Variants in EFHC2 observed in about 807,000 individuals in gnomAD.
The protein encoded by EFHC2 is EF-hand domain-containing family member C2.
A neutral mutation model predicts 52.7 loss-of-function variants in EFHC2; 18 were observed. The ratio of observed to expected loss-of-function variants is 0.34; its 90% confidence interval spans 0.24 to 0.51. The LOEUF (loss-of-function observed/expected upper bound fraction) is 0.51, where lower values mean the gene tolerates loss of function less well. EFHC2 is among the 20% of genes least tolerant of loss of function. The pLI, the probability that EFHC2 is intolerant of heterozygous loss-of-function variation, is 0.97. For synonymous variants in EFHC2, 203 were observed against 204.1 expected, an observed-to-expected ratio of 0.99 and a Z score of 0.04; for missense variants, 513 against 562.5, an observed-to-expected ratio of 0.91 and a Z score of 0.89.
At chrX:44,164,517 T>G (rs1429990899) in intron 13 of EFHC2, among the ~76,000 whole-genome samples, 1 of 112,181 alleles carries the variant, frequency 8.9e-6, no homozygotes, top group Non-Finnish European at 1.9e-5. Context: ...TCATTTATTA[T>G]GTAGCCATTA....
intron 13 of EFHC2, among the ~76,000 whole-genome samples, chrX:44,169,915 G>A (rs1301509934): frequency 8.9e-6 from 1 of 112,006 alleles, no homozygotes; most frequent in Non-Finnish European, 1.9e-5. Context: ...GATCAATTAT[G>A]ATATCATGTG....
At chrX:44,169,940 T>C (rs189503969) in intron 13 of EFHC2, among the ~76,000 whole-genome samples, 2 of 112,153 alleles carry the variant, frequency 1.8e-5, no homozygotes, top group East Asian at 5.6e-4. Context: ...GCACTCAATA[T>C]GTACATGCTA....
At chrX:44,185,762 G>A (rs1316526458) in intron 11 of EFHC2, among the ~76,000 whole-genome samples, 2 of 110,886 alleles carry the variant, frequency 1.8e-5, no homozygotes, top group Non-Finnish European at 3.8e-5. Flanking sequence ...GGTCTCCTAG[G>A]CTCAAGTGAT....
intron 7 of EFHC2, among the ~76,000 whole-genome samples, chrX:44,245,394 G>A (rs760319105): frequency 8.9e-6 from 1 of 112,327 alleles, no homozygotes; most frequent in Non-Finnish European, 1.9e-5. Flanking sequence ...AAATTCCTAC[G>A]TAAGAACAGT....
chrX:44,199,656 T>C (rs2147294628), intron 11 of EFHC2, among the ~76,000 whole-genome samples: 1 of 112,042 alleles, frequency 8.9e-6, no homozygotes, highest in South Asian at 3.7e-4. Context: ...AAAGGAAAGA[T>C]AGTAACTTTC....
chrX:44,156,281 G>A lies in EFHC2; in HGVS notation c.2149-7385C>T, dbSNP rs140363118. Among the ~76,000 whole-genome samples, 502 of 112,348 alleles carry A rather than the reference G, an allele frequency of 4.5e-3. 15 individuals are homozygous for A. The East Asian group carries it at 0.11, about 24-fold the overall frequency. On this transcript the variant is annotated intron_variant, in intron 14 of 14. Transcript: ENST00000420999. ...TTTGCCAGTTATTTTTTAAGTCTAA[G>A]AGGAATGGTTAACAACCTTTTATTT...
chrX:44,235,506 T>C (rs2147325073), intron 8 of EFHC2, 59 bp from the exon 9 acceptor site: 1 of 1,058,464 alleles, frequency 9.4e-7, no homozygotes, highest in Non-Finnish European at 1.2e-6. Context: ...ACATATTATG[T>C]TTTTAAAAGT....
chrX:44,207,139 T>A (rs1185763766), intron 11 of EFHC2, among the ~76,000 whole-genome samples: 1 of 112,172 alleles, frequency 8.9e-6, no homozygotes, highest in African/African-American at 3.2e-5. Context: ...CTTCAATAAA[T>A]GGTGCTGGGA....
intron 3 of EFHC2, among the ~76,000 whole-genome samples, chrX:44,270,579 A>C (rs2037610441): frequency 8.9e-6 from 1 of 111,894 alleles, no homozygotes; most frequent in Admixed American, 9.5e-5. Context: ...ACCAAAAGAT[A>C]ACTGATTTTC....
intron 1 of EFHC2, among the ~76,000 whole-genome samples, chrX:44,327,235 T>C (rs2038058657): frequency 1.8e-5 from 2 of 111,510 alleles, no homozygotes; most frequent in Non-Finnish European, 3.8e-5. Context: ...GCAAATATAA[T>C]AGCAAAAACA....
In EFHC2 at chrX:44,183,146, C is replaced by T. The variant is rs146440648; in HGVS notation, c.1752-4582G>A. The stretch of plus-strand genomic sequence containing the variant: ...TAAACTAAAAAAAAATTAGTTTTAG[C>T]ATAAACAAGGGCTCAAGAGCCTAAG... On this transcript the variant is annotated intron_variant, in intron 11 of 14. Transcript: ENST00000420999. Among the ~76,000 whole-genome samples, 521 of 111,570 alleles carry T rather than the reference C, an allele frequency of 4.7e-3. 15 individuals are homozygous for T. The East Asian group carries it at 0.1, about 22-fold the overall frequency.
At chrX:44,293,774 G>A (rs2037809176) in intron 2 of EFHC2, among the ~76,000 whole-genome samples, 1 of 111,820 alleles carries the variant, frequency 8.9e-6, no homozygotes, top group Admixed American at 9.5e-5. Flanking sequence ...CCTGTAAGAT[G>A]CTTCACAGTT....
intron 10 of EFHC2, among the ~76,000 whole-genome samples, chrX:44,232,095 C>T (rs1001366517): frequency 2.3e-4 from 26 of 112,785 alleles, no homozygotes; most frequent in African/African-American, 7.1e-4. Context: ...TCTCTGTTGG[C>T]CTGTGCCAAT....
intron 13 of EFHC2, among the ~76,000 whole-genome samples, chrX:44,169,119 T>C (rs1225889764): frequency 9.0e-6 from 1 of 111,412 alleles, no homozygotes; most frequent in Non-Finnish European, 1.9e-5. Flanking sequence ...AAAAACGTGC[T>C]CTTGGAATTA....
chrX:44,181,098 AAAAAG>A (rs1321318623), intron 11 of EFHC2, among the ~76,000 whole-genome samples: 1 of 111,140 alleles, frequency 9.0e-6, no homozygotes, highest in Non-Finnish European at 1.9e-5. Flanking sequence ...CCATCTCTAA[AAAAAG>A]AAAAGTATGG....
chrX:44,272,595 A>C, intron 3 of EFHC2, 91 bp downstream of exon 3: 3 of 926,639 alleles, frequency 3.2e-6, no homozygotes, highest in African/African-American at 2.0e-5. Flanking sequence ...CCTAAACAGT[A>C]GCATGCAGTC....
intron 11 of EFHC2, among the ~76,000 whole-genome samples, chrX:44,226,652 G>T (rs1308496023): frequency 9.0e-6 from 1 of 110,806 alleles, no homozygotes; most frequent in Non-Finnish European, 1.9e-5. Flanking sequence ...TCAGCCTACA[G>T]GTCAAAGCCA....
Position 44,235,415 on chromosome X carries a change from A to G in EFHC2, c.1313T>C (p.Phe438Ser). 8.3e-7 allele frequency: 1 copy of G among 1,198,038 alleles called. No individual in the cohort carries two copies. Among genetic ancestry groups the G allele is most frequent in the Non-Finnish European group, 1.1e-6 (1 of 888,467 alleles). Residue 438 changes from phenylalanine (F) to serine (S), a missense_variant, in exon 9 of 15, where the codon TTT becomes TCT. Coordinates refer to ENST00000420999, the MANE Select transcript of EFHC2 (RefSeq NM_025184.4). ...YGSKSNILRF[F>S]AKLVTDKCVD... The stretch of plus-strand genomic sequence containing the variant: ...ACATTTGTCTGTGACTAGTTTTGCA[A>G]AAAAACGGAGTATATTGCTTTTGGA...
chrX:44,338,559 G>A (rs779568141), intron 1 of EFHC2, among the ~76,000 whole-genome samples: 2 of 109,556 alleles, frequency 1.8e-5, no homozygotes, highest in East Asian at 5.8e-4. Flanking sequence ...TTCAAACACT[G>A]ATTGCACAAC....
Sources: gnomAD v4.1 joint callset for allele counts (sites outside exome capture counted in the v4.1 genomes callset) on GRCh38, gnomAD v4.1.1 for gene constraint, MANE v1.5 for transcripts, NCBI Gene and HGNC (gene_info 2026-07-23, HGNC 2026-07-21) for gene names.